Variants in SKIL observed in about 807,000 individuals in gnomAD.
The protein encoded by SKIL is ski-like protein.
In SKIL, 20 loss-of-function variants were observed where a neutral mutation model predicts 69.6. That is an observed-to-expected ratio of 0.29 (90% confidence interval 0.20 to 0.42). SKIL has a LOEUF of 0.42. SKIL is among the 10% of genes least tolerant of loss of function. The pLI, the probability that SKIL is intolerant of heterozygous loss-of-function variation, is 1.00. For synonymous variants in SKIL, 310 were observed against 279.9 expected, an observed-to-expected ratio of 1.11 and a Z score of -1.08; for missense variants, 745 against 783.1, an observed-to-expected ratio of 0.95 and a Z score of 0.58.
rs1560225292 is a variant in SKIL at position 170,394,555 on chromosome 3, T to G, written c.*2138T>G. 6.6e-6 allele frequency: 1 copy of G among 152,202 alleles called. No individual in the cohort carries two copies. The highest frequency in any genetic ancestry group is 1.5e-5 in the Non-Finnish European group (1 of 68,030). 9.4% of individuals were successfully genotyped at this position (152,202 alleles called of 1,614,324 possible). On this transcript the variant is annotated 3_prime_UTR_variant, in exon 7 of 7. Transcript: ENST00000259119. ...CTTCTAAAATAAATTGCTTAATCCT[T>G]GAAATATGTTATTGGAAAATTTTAA... is the stretch of plus-strand genomic sequence containing the variant.
At chr3:170,362,403 G>A (rs995531780) in intron 2 of SKIL, among the ~76,000 whole-genome samples, 3 of 152,090 alleles carry the variant, frequency 2.0e-5, no homozygotes, top group African/African-American at 7.2e-5. Context: ...CTCAGGAGCT[G>A]AGGCAGGAGA....
intron 2 of SKIL, among the ~76,000 whole-genome samples, chr3:170,366,334 T>C (rs1003668354): frequency 3.9e-5 from 6 of 152,066 alleles, no homozygotes; most frequent in African/African-American, 1.2e-4. Context: ...ATGAGACAAC[T>C]TAATTAAATA....
In SKIL at chr3:170,393,709, A is replaced by G. The variant is rs1239814173; in HGVS notation, c.*1292A>G. The G allele has an allele frequency of 6.6e-6, 1 of 152,156 alleles. No individual in the cohort carries two copies. Among genetic ancestry groups the G allele is most frequent in the Non-Finnish European group, 1.5e-5 (1 of 68,010 alleles). The allele number at this position is 152,156 out of a possible 1,614,324, so 9.4% of individuals were successfully genotyped here. A position where few individuals can be genotyped will look rare whatever the true frequency, so the allele number is the denominator to read the frequency against. ...AGGGAGTTTCCTGAAACTATCATTA[A>G]TTGACATTATTACCCCATGGATTTT... is the stretch of plus-strand genomic sequence containing the variant. On this transcript the variant is annotated 3_prime_UTR_variant, in exon 7 of 7. Coordinates refer to ENST00000259119, the MANE Select transcript of SKIL (RefSeq NM_005414.5).
chr3:170,382,729 T>TG (rs1409989034), intron 3 of SKIL, among the ~76,000 whole-genome samples: 1 of 149,658 alleles, frequency 6.7e-6, no homozygotes, highest in Non-Finnish European at 1.5e-5. Flanking sequence ...TTTTTTTTTT[T>TG]TTTTTTTGAG....
chr3:170,388,860 G>GTATTTATTTATT (rs71634466), intron 4 of SKIL, among the ~76,000 whole-genome samples: 17 of 112,002 alleles, frequency 1.5e-4, no homozygotes, highest in African/African-American at 6.0e-4. Context: ...ATTTATTTAT[G>GTATTTATTTATT]TATTTATTTA....
At chr3:170,368,802 T>C (rs1432587355) in intron 2 of SKIL, among the ~76,000 whole-genome samples, 1 of 152,220 alleles carries the variant, frequency 6.6e-6, no homozygotes, top group Non-Finnish European at 1.5e-5. Flanking sequence ...GAAACAGTTT[T>C]TTTATTATAG....
chr3:170,385,937 C>T lies in SKIL; in HGVS notation c.1429+1172C>T, dbSNP rs575391372. ...CCTCCTGAGTAGCTGAGATTACAGG[C>T]ATGCACCACCACACCCCGCTAATTT... On this transcript the variant is annotated intron_variant, in intron 4 of 6. Transcript: ENST00000259119. Among the ~76,000 whole-genome samples, 3 of 151,990 alleles carry T rather than the reference C, an allele frequency of 2.0e-5. No homozygotes were observed. In the East Asian group the frequency reaches 5.8e-4, roughly 29 times the overall value.
intron 2 of SKIL, among the ~76,000 whole-genome samples, chr3:170,372,552 A>G (rs923931964): frequency 6.6e-6 from 1 of 152,220 alleles, no homozygotes; most frequent in East Asian, 1.9e-4. Flanking sequence ...GTTCTGTTTC[A>G]TTTATTGAAA....
chr3:170,385,209 C>A (rs1386243985), intron 4 of SKIL, among the ~76,000 whole-genome samples: 1 of 151,162 alleles, frequency 6.6e-6, no homozygotes, highest in Non-Finnish European at 1.5e-5. Flanking sequence ...TCCCTAGTAG[C>A]TGGGACCAGA....
chr3:170,375,470 T>A (rs559854368), intron 2 of SKIL, among the ~76,000 whole-genome samples: 1 of 152,182 alleles, frequency 6.6e-6, no homozygotes, highest in Admixed American at 6.5e-5. Context: ...TCAAGGTCTT[T>A]GAGCAAATTT....
chr3:170,382,504 T>C (rs1431949850), intron 3 of SKIL, among the ~76,000 whole-genome samples: 1 of 148,990 alleles, frequency 6.7e-6, no homozygotes, highest in African/African-American at 2.5e-5. Context: ...AACCTCTGCC[T>C]CCCAGGTTCA....
chr3:170,381,105 G>A (rs1737320549), intron 2 of SKIL, 139 bp from the exon 3 acceptor site: 4 of 592,862 alleles, frequency 6.7e-6, no homozygotes, highest in Admixed American at 5.1e-5. Context: ...GGGAATACAG[G>A]TGTGAACCAC....
At chr3:170,379,180 A>C (rs867912868) in intron 2 of SKIL, among the ~76,000 whole-genome samples, 1 of 151,682 alleles carries the variant, frequency 6.6e-6, no homozygotes, top group Admixed American at 6.6e-5. Flanking sequence ...GGGTTTCGCT[A>C]TGTTGGCCAG....
intron 2 of SKIL, among the ~76,000 whole-genome samples, chr3:170,374,345 T>G (rs1432074823): frequency 1.3e-5 from 2 of 152,198 alleles, no homozygotes; most frequent in African/African-American, 4.8e-5. Flanking sequence ...CTGTTCATTT[T>G]GGGGTAAATA....
chr3:170,377,484 ATTTT>A (rs1212676908), intron 2 of SKIL, among the ~76,000 whole-genome samples: 1 of 128,338 alleles, frequency 7.8e-6, no homozygotes, highest in African/African-American at 2.9e-5. Context: ...AAAAATATTA[ATTTT>A]TTTCTTATAA....
intron 2 of SKIL, among the ~76,000 whole-genome samples, chr3:170,369,139 C>G (rs1294184693): frequency 6.8e-6 from 1 of 147,348 alleles, no homozygotes; most frequent in Non-Finnish European, 1.5e-5. Flanking sequence ...AAATAGTGCC[C>G]CCTGTGGTTT....
chr3:170,358,980 A>G (rs1020689983), intron 1 of SKIL, among the ~76,000 whole-genome samples: 1 of 152,230 alleles, frequency 6.6e-6, no homozygotes, highest in Non-Finnish European at 1.5e-5. Flanking sequence ...ACTTAGTTAC[A>G]TATGGTAGAT....
intron 2 of SKIL, among the ~76,000 whole-genome samples, chr3:170,375,079 C>G (rs1736968855): frequency 6.6e-6 from 1 of 152,158 alleles, no homozygotes; most frequent in Non-Finnish European, 1.5e-5. Context: ...ATTAAAAATA[C>G]AAAGGTAAGG....
At chr3:170,365,751 G>GTTTTTTTTTTTT (rs1560207824) in intron 2 of SKIL, among the ~76,000 whole-genome samples, 6 of 92,440 alleles carry the variant, frequency 6.5e-5, no homozygotes, top group African/African-American at 2.1e-4. Flanking sequence ...GTCAAACTAG[G>GTTTTTTTTTTTT]CTTTTTTTTT....
Sources: gnomAD v4.1 joint callset for allele counts (sites outside exome capture counted in the v4.1 genomes callset) on GRCh38, gnomAD v4.1.1 for gene constraint, MANE v1.5 for transcripts, NCBI Gene and HGNC (gene_info 2026-07-23, HGNC 2026-07-21) for gene names.